Variants in CDK8 observed in about 807,000 individuals in gnomAD.
The protein encoded by CDK8 is cyclin-dependent kinase 8.
In CDK8, 29 loss-of-function variants were observed where a neutral mutation model predicts 71.5. The ratio of observed to expected loss-of-function variants is 0.41; its 90% CI spans 0.30 to 0.55. CDK8 has a LOEUF of 0.55. Ranked by LOEUF, CDK8 falls within the 20% of genes least tolerant of loss-of-function variation. CDK8 has a pLI of 0.37. For synonymous variants in CDK8, 161 were observed against 192.1 expected (o/e 0.84, Z 1.34); for missense variants, 288 against 572.6 (o/e 0.50, Z 5.07).
intron 2 of CDK8, among the ~76,000 whole-genome samples, chr13:26,345,291 C>T (rs1178200826): frequency 6.6e-6 from 1 of 152,112 alleles, no homozygotes; most frequent in Non-Finnish European, 1.5e-5. Flanking sequence ...TAGTTACTTA[C>T]CCAGAATGAA....
At chr13:26,308,362 G>A (rs777755842) in intron 1 of CDK8, among the ~76,000 whole-genome samples, 9 of 152,198 alleles carry the variant, frequency 5.9e-5, no homozygotes, top group Non-Finnish European at 1.0e-4. Context: ...CTTACCACAT[G>A]TGCATCTTTG....
chr13:26,395,408 G>C (rs1054975342), intron 7 of CDK8, among the ~76,000 whole-genome samples: 1 of 151,762 alleles, frequency 6.6e-6, no homozygotes, highest in Non-Finnish European at 1.5e-5. Flanking sequence ...ACTTGAACCT[G>C]GGAGGCAGAG....
chr13:26,256,289 A>G (rs2137845541), intron 1 of CDK8, among the ~76,000 whole-genome samples: 1 of 152,306 alleles, frequency 6.6e-6, no homozygotes, highest in Middle Eastern at 3.4e-3. Flanking sequence ...CTCTGTAATG[A>G]CATATATTTT....
intron 1 of CDK8, among the ~76,000 whole-genome samples, chr13:26,272,713 A>G (rs1872387979): frequency 6.6e-6 from 1 of 152,236 alleles, no homozygotes; most frequent in African/African-American, 2.4e-5. Context: ...GGTATGTGCT[A>G]TACATGACGG....
chr13:26,343,050 G>A (rs1361597428), intron 2 of CDK8, among the ~76,000 whole-genome samples: 1 of 152,102 alleles, frequency 6.6e-6, no homozygotes, highest in Non-Finnish European at 1.5e-5. Flanking sequence ...AGCCAGATTA[G>A]ATTAGGGCCC....
At chr13:26,302,557 G>A (rs561815787) in intron 1 of CDK8, among the ~76,000 whole-genome samples, 1 of 152,292 alleles carries the variant, frequency 6.6e-6, no homozygotes, top group East Asian at 1.9e-4. Flanking sequence ...TCCTGTAGCT[G>A]CTTTTTTGCA....
At chr13:26,288,548 T>C (rs1873135227) in intron 1 of CDK8, among the ~76,000 whole-genome samples, 1 of 149,096 alleles carries the variant, frequency 6.7e-6, no homozygotes, top group African/African-American at 2.5e-5. Context: ...TATTTCTTAT[T>C]TTTTTTTTTA....
intron 1 of CDK8, among the ~76,000 whole-genome samples, chr13:26,312,531 G>A (rs1056587928): frequency 5.9e-5 from 9 of 151,984 alleles, no homozygotes; most frequent in African/African-American, 1.9e-4. Context: ...GAAGGTCTGC[G>A]GCTTCACTCC....
intron 4 of CDK8, among the ~76,000 whole-genome samples, chr13:26,366,631 A>G (rs1874402278): frequency 6.6e-6 from 1 of 152,150 alleles, no homozygotes; most frequent in African/African-American, 2.4e-5. Context: ...TACTCTAAGT[A>G]GGTATGTGTT....
intron 1 of CDK8, among the ~76,000 whole-genome samples, chr13:26,279,746 G>T (rs946562167): frequency 6.6e-6 from 1 of 152,128 alleles, no homozygotes; most frequent in Non-Finnish European, 1.5e-5. Flanking sequence ...GGAACAATTT[G>T]TAACATTTGA....
In CDK8 at chr13:26,254,413, C is replaced by T; in HGVS notation, c.-229C>T. On this transcript the variant is annotated 5_prime_UTR_variant, in exon 1 of 13. Transcript: ENST00000381527. The surrounding 1 kb of genome is among the most constrained non-coding windows in gnomAD (Gnocchi z 6.7). ...CTCGGCTCTCCTTCGCCGGGGGATC[C>T]TCCCCGTTCCTCCACCCCCGGCCGG... 2 of 395,772 alleles carry T rather than the reference C, an allele frequency of 5.1e-6. No individual in the cohort carries two copies. Among genetic ancestry groups the T allele is most frequent in the Non-Finnish European group, 9.2e-6 (2 of 216,374 alleles). The allele number at this position is 395,772 out of a possible 1,614,324, so 24.5% of individuals were successfully genotyped here.
At chr13:26,310,658 A>G (rs927368792) in intron 1 of CDK8, among the ~76,000 whole-genome samples, 5 of 152,106 alleles carry the variant, frequency 3.3e-5, no homozygotes, top group African/African-American at 1.2e-4. Context: ...AGCTATAGGG[A>G]GTGGCTATAA....
At chr13:26,259,023 C>T (rs779992138) in intron 1 of CDK8, among the ~76,000 whole-genome samples, 23 of 152,162 alleles carry the variant, frequency 1.5e-4, no homozygotes, top group Non-Finnish European at 2.8e-4. Context: ...CAAAGGAACT[C>T]TTCTGATTCA....
intron 1 of CDK8, among the ~76,000 whole-genome samples, chr13:26,327,739 G>T (rs1006540540): frequency 1.3e-5 from 2 of 152,136 alleles, no homozygotes; most frequent in African/African-American, 4.8e-5. Context: ...AGAGGCAGGA[G>T]AATCGCTTGA....
At chr13:26,324,592 GA>G (rs1874938115) in intron 1 of CDK8, among the ~76,000 whole-genome samples, 2 of 152,058 alleles carry the variant, frequency 1.3e-5, no homozygotes, top group Admixed American at 6.6e-5. Flanking sequence ...GCAGATCTAT[GA>G]AATAGCAGGA....
At chr13:26,259,824 G>C (rs1310316270) in intron 1 of CDK8, among the ~76,000 whole-genome samples, 1 of 152,140 alleles carries the variant, frequency 6.6e-6, no homozygotes, top group Non-Finnish European at 1.5e-5. Context: ...TATGTGCCAA[G>C]CACTGTCCAA....
At chr13:26,320,420 A>C (rs548657054) in intron 1 of CDK8, among the ~76,000 whole-genome samples, 2 of 151,134 alleles carry the variant, frequency 1.3e-5, no homozygotes, top group South Asian at 4.2e-4. Context: ...CTTAAAAATT[A>C]AAAAAAAAGA....
chr13:26,395,949 T>C (rs1222984556), intron 7 of CDK8, among the ~76,000 whole-genome samples: 1 of 152,116 alleles, frequency 6.6e-6, no homozygotes, highest in Non-Finnish European at 1.5e-5. Context: ...AAATAAGCAG[T>C]TTTACTAATA....
chr13:26,259,512 A>T (rs940954580), intron 1 of CDK8, among the ~76,000 whole-genome samples: 2 of 152,202 alleles, frequency 1.3e-5, no homozygotes, highest in African/African-American at 4.8e-5. Flanking sequence ...AAACTTGAGC[A>T]TCTGTGGATT....
Sources: allele counts gnomAD v4.1 joint callset (sites outside exome capture counted in the v4.1 genomes callset), GRCh38; gene constraint gnomAD v4.1.1; non-coding constraint Gnocchi (gnomAD v3.1); transcripts MANE v1.5; gene names NCBI Gene and HGNC (gene_info 2026-07-23, HGNC 2026-07-21).